Variants in COL23A1 observed in about 807,000 individuals in gnomAD.
COL23A1 encodes the protein collagen alpha-1(XXIII) chain.
COL23A1 carries 97 observed loss-of-function variants against 99.3 expected under a neutral mutation model. The ratio of observed to expected loss-of-function variants is 0.98; its 90% CI spans 0.83 to 1.16. COL23A1 has a LOEUF of 1.16. COL23A1 is among the 50% of genes most tolerant of loss of function. COL23A1 has a pLI of 0.00. For missense variants in COL23A1, 762 were observed against 757.4 expected, an observed-to-expected ratio of 1.01 and a Z score of -0.07; for synonymous variants, 320 against 308.2, an observed-to-expected ratio of 1.04 and a Z score of -0.40.
intron 5 of COL23A1, among the ~76,000 whole-genome samples, chr5:178,273,081 C>T (rs1027736405): frequency 5.9e-5 from 9 of 152,218 alleles, no homozygotes; most frequent in East Asian, 1.9e-4. Flanking sequence ...GCCTCCCGGC[C>T]GCTCTCTCCT....
Position 178,506,026 on chromosome 5 carries a change from T to G in COL23A1, c.361+54656A>C, listed in dbSNP as rs553128362. 1.4e-4 allele frequency among the ~76,000 whole-genome samples: 21 copies of G among 152,248 alleles called. No individual in the cohort carries two copies. In the South Asian group the frequency reaches 4.4e-3, roughly 32 times the overall value. The stretch of plus-strand genomic sequence containing the variant: ...GGGGCCTTCAGACTATAAATGAGGT[T>G]TCCCATAGGACATACCCACTCTGCA... On this transcript the variant is annotated intron_variant, in intron 2 of 28. Coordinates refer to ENST00000390654, the MANE Select transcript of COL23A1 (RefSeq NM_173465.4).
chr5:178,353,752 A>G (rs926292658), intron 2 of COL23A1, among the ~76,000 whole-genome samples: 1 of 152,206 alleles, frequency 6.6e-6, no homozygotes, highest in Non-Finnish European at 1.5e-5. Context: ...GCGCTGTATC[A>G]TCACAGACGC....
At position 178,290,382 on chromosome 5, in the gene COL23A1, A is replaced by G. The variant is rs755454766; in HGVS notation, c.407-13T>C. ...CTTACTGGAGGACCTGCAAAACACAAGCAGAGAAGCCACAGTCAGTGTGGA... is the reference window on the plus strand; with the variant it reads ...CTTACTGGAGGACCTGCAAAACACAGGCAGAGAAGCCACAGTCAGTGTGGA... On this transcript the variant is annotated splice_polypyrimidine_tract_variant and intron_variant, in intron 3 of 28. Coordinates refer to ENST00000390654, the MANE Select transcript of COL23A1 (RefSeq NM_173465.4). 2.5e-6 allele frequency: 4 copies of G among 1,613,508 alleles called. No individual in the cohort carries two copies. Among genetic ancestry groups the G allele is most frequent in the Non-Finnish European group, 2.5e-6 (3 of 1,180,018 alleles).
Position 178,366,183 on chromosome 5 carries a change from T to C in COL23A1, c.362-59264A>G, listed in dbSNP as rs1371365792. Among the ~76,000 whole-genome samples the C allele has an allele frequency of 1.3e-5, 2 of 152,188 alleles. No individual in the cohort carries two copies. The highest frequency in any genetic ancestry group is 2.9e-5 in the Non-Finnish European group (2 of 68,026). On this transcript the variant is annotated intron_variant, in intron 2 of 28. Transcript: ENST00000390654. The surrounding 1 kb of genome is among the most constrained non-coding windows in gnomAD (Gnocchi z 4.4). ...GGCAGGGCTGGGTCTGATTCACCTC[T>C]TCCTCCCCGGAGCCCAGGGTTCACT...
At position 178,527,995 on chromosome 5, in the gene COL23A1, G is replaced by A. The variant is rs1020345646; in HGVS notation, c.361+32687C>T. Among the ~76,000 whole-genome samples the A allele has an allele frequency of 4.6e-5, 7 of 152,132 alleles. No individual in the cohort carries two copies. The East Asian group carries it at 7.7e-4, about 17-fold the overall frequency. Reference sequence around the variant, plus strand: ...TGGACACTTTTCTTAAAATAAAACCGAATTTCACATTCAAGGGGAAGGCCT... The same window carrying A: ...TGGACACTTTTCTTAAAATAAAACCAAATTTCACATTCAAGGGGAAGGCCT... On this transcript the variant is annotated intron_variant, in intron 2 of 28. Coordinates refer to ENST00000390654, the MANE Select transcript of COL23A1 (RefSeq NM_173465.4).
intron 27 of COL23A1, among the ~76,000 whole-genome samples, chr5:178,240,406 C>T (rs916051383): frequency 6.6e-6 from 1 of 152,158 alleles, no homozygotes; most frequent in Non-Finnish European, 1.5e-5. Flanking sequence ...CCCTGGCTGC[C>T]CCGAAGGCCC....
intron 2 of COL23A1, among the ~76,000 whole-genome samples, chr5:178,407,203 G>A (rs1323523431): frequency 2.0e-5 from 3 of 152,180 alleles, no homozygotes; most frequent in Admixed American, 6.5e-5. Context: ...TAGTGGGGAG[G>A]TGGAACTCTC....
chr5:178,319,443 T>G (rs903889642), intron 2 of COL23A1, among the ~76,000 whole-genome samples: 4 of 152,176 alleles, frequency 2.6e-5, no homozygotes, highest in African/African-American at 9.7e-5. Context: ...AGCTTTGATT[T>G]TCATGAGAAT....
chr5:178,331,614 C>G (rs1005073194), intron 2 of COL23A1, among the ~76,000 whole-genome samples: 1 of 152,166 alleles, frequency 6.6e-6, no homozygotes, highest in Non-Finnish European at 1.5e-5. Flanking sequence ...AGGCAGCCAC[C>G]GACAGGAGGG....
At position 178,256,935 on chromosome 5, in the gene COL23A1, C is replaced by G. The variant is rs750874916; in HGVS notation, c.775-7G>C. On this transcript the variant is annotated splice_region_variant and splice_polypyrimidine_tract_variant and intron_variant, in intron 13 of 28. Transcript: ENST00000390654. ...CCATGCTCCCTGGCTCGCCCTGAAA[C>G]AGACACAGCTGCAGTGAGAGCAAGT... 8 of 1,613,220 alleles carry G rather than the reference C, an allele frequency of 5.0e-6. No individual in the cohort carries two copies. The African/African-American group carries it at 1.1e-4, about 22-fold the overall frequency.
chr5:178,389,697 C>T (rs1448303805), intron 2 of COL23A1, among the ~76,000 whole-genome samples: 3 of 152,212 alleles, frequency 2.0e-5, no homozygotes, highest in Non-Finnish European at 2.9e-5. Context: ...TCTGTGGCCT[C>T]CTCCAGAGGT....
intron 2 of COL23A1, among the ~76,000 whole-genome samples, chr5:178,392,018 G>A (rs1173966012): frequency 6.6e-6 from 1 of 152,176 alleles, no homozygotes; most frequent in Non-Finnish European, 1.5e-5. Context: ...GAAATGTCTG[G>A]AATAGGGAAA....
rs970134140 is a variant in COL23A1, at chr5:178,544,281, G to C, written c.361+16401C>G. On this transcript the variant is annotated intron_variant, in intron 2 of 28. Transcript: ENST00000390654. The surrounding 1 kb of genome is among the most constrained non-coding windows in gnomAD (Gnocchi z 4.4). Reference sequence around the variant, plus strand: ...GACTAGTGCCCAGGGAACAGAGCTCGCCGCTTACAGAGCCCCCAGCCCAGC... The same window carrying C: ...GACTAGTGCCCAGGGAACAGAGCTCCCCGCTTACAGAGCCCCCAGCCCAGC... Among the ~76,000 whole-genome samples the C allele has an allele frequency of 2.5e-4, 38 of 152,082 alleles. No homozygotes were observed. Among genetic ancestry groups the C allele is most frequent in the African/African-American group, 8.7e-4 (36 of 41,454 alleles).
intron 2 of COL23A1, among the ~76,000 whole-genome samples, chr5:178,463,278 G>A (rs997890652): frequency 1.2e-4 from 19 of 152,170 alleles, no homozygotes; most frequent in African/African-American, 3.9e-4. Context: ...AAATAAATAA[G>A]CATTTTTGAA....
intron 2 of COL23A1, among the ~76,000 whole-genome samples, chr5:178,530,319 G>C (rs750273230): frequency 6.6e-6 from 1 of 152,148 alleles, no homozygotes; most frequent in East Asian, 1.9e-4. Flanking sequence ...AAGATTAGCC[G>C]GGTGCAGTGG....
intron 2 of COL23A1, among the ~76,000 whole-genome samples, chr5:178,459,649 C>A (rs1756005858): frequency 6.6e-6 from 1 of 152,130 alleles, no homozygotes. Context: ...ATAATCCCAG[C>A]TACTTGGGAG....
chr5:178,430,202 A>G (rs1413758957), intron 2 of COL23A1, among the ~76,000 whole-genome samples: 1 of 152,122 alleles, frequency 6.6e-6, no homozygotes, highest in Non-Finnish European at 1.5e-5. Flanking sequence ...TTGGACATTC[A>G]TTTCCTGTCT....
chr5:178,253,816 A>G (rs958124298), intron 16 of COL23A1, among the ~76,000 whole-genome samples: 3 of 152,014 alleles, frequency 2.0e-5, no homozygotes, highest in African/African-American at 7.2e-5. Flanking sequence ...CCCTGCATGG[A>G]CTATGGCTGC....
Position 178,310,449 on chromosome 5 carries a change from C to T in COL23A1, c.362-3530G>A, listed in dbSNP as rs976619437. On this transcript the variant is annotated intron_variant, in intron 2 of 28. Coordinates refer to ENST00000390654, the MANE Select transcript of COL23A1 (RefSeq NM_173465.4). This position sits in a 1 kb window ranked among gnomAD's most constrained non-coding sequence, Gnocchi z 4.3. ...TCCCTGTGCCCGCCCCGCAGGCTCA[C>T]CTTCTGCCTCGCCAGTCCTCTGAAG... Among the ~76,000 whole-genome samples, 2 of 152,230 alleles carry T rather than the reference C, an allele frequency of 1.3e-5. No homozygotes were observed. The highest frequency in any genetic ancestry group is 4.8e-5 in the African/African-American group (2 of 41,456).
Sources: allele counts gnomAD v4.1 joint callset (sites outside exome capture counted in the v4.1 genomes callset), GRCh38; gene constraint gnomAD v4.1.1; non-coding constraint Gnocchi (gnomAD v3.1); transcripts MANE v1.5; gene names NCBI Gene and HGNC (gene_info 2026-07-23, HGNC 2026-07-21).